TSPAN7: variants seen among roughly 807,000 people sequenced by gnomAD.
The protein encoded by TSPAN7 is tetraspanin 7, also known as tetraspanin-7.
Under a neutral mutation model 17.6 loss-of-function variants are expected in TSPAN7, and 1 was observed. That is an observed-to-expected ratio of 0.06 (90% CI 0.02 to 0.27). The LOEUF (loss-of-function observed/expected upper bound fraction) is 0.27, where lower values mean the gene tolerates loss of function less well. Among genes scored for constraint, TSPAN7 ranks in the 10% least tolerant of loss-of-function variants. The pLI, the probability that TSPAN7 is intolerant of heterozygous loss-of-function variation, is 1.00. For missense variants in TSPAN7, 112 were observed against 201.7 expected (o/e 0.56, Z 2.69); for synonymous variants, 78 against 79.0 (o/e 0.99, Z 0.07).
At chrX:38,609,470 A>G (rs1037072499) in intron 1 of TSPAN7, among the ~76,000 whole-genome samples, 2 of 110,782 alleles carry the variant, frequency 1.8e-5, no homozygotes, top group African/African-American at 6.6e-5. Flanking sequence ...TGTAGTTGAA[A>G]AGCTTGTGCA....
chrX:38,597,110 G>A (rs1446219857), intron 1 of TSPAN7, among the ~76,000 whole-genome samples: 2 of 110,940 alleles, frequency 1.8e-5, no homozygotes, highest in Admixed American at 9.6e-5. Flanking sequence ...ATAATTTGTG[G>A]ATTCTATATT....
chrX:38,588,112 G>T (rs949016552), intron 1 of TSPAN7, among the ~76,000 whole-genome samples: 1 of 110,816 alleles, frequency 9.0e-6, no homozygotes, highest in African/African-American at 3.3e-5. Flanking sequence ...TATCTGCTTG[G>T]CAGGTGTTTT....
At chrX:38,593,017 T>C (rs745703083) in intron 1 of TSPAN7, among the ~76,000 whole-genome samples, 68 of 110,827 alleles carry the variant, frequency 6.1e-4, no homozygotes, top group African/African-American at 2.1e-3. Flanking sequence ...TTTTGAAAGA[T>C]ATTTTTGCTA....
intron 1 of TSPAN7, chrX:38,608,197 T>G (rs2069395656): frequency 9.2e-6 from 1 of 108,591 alleles, no homozygotes; most frequent in African/African-American, 3.5e-5. Flanking sequence ...TGAGATGCCG[T>G]TTAAAGATAA....
chrX:38,576,772 G>A (rs920444970), intron 1 of TSPAN7, among the ~76,000 whole-genome samples: 3 of 111,734 alleles, frequency 2.7e-5, no homozygotes, highest in Non-Finnish European at 3.8e-5. Flanking sequence ...AAGTTTAGCT[G>A]TAATAAAAAG....
At chrX:38,614,402 G>C in intron 1 of TSPAN7, among the ~76,000 whole-genome samples, 1 of 112,243 alleles carries the variant, frequency 8.9e-6, no homozygotes, top group Non-Finnish European at 1.9e-5. Flanking sequence ...CAAGGTCACT[G>C]CTAAAAAGTG....
chrX:38,635,413 T>C (rs2069574790), intron 1 of TSPAN7, among the ~76,000 whole-genome samples: 1 of 111,484 alleles, frequency 9.0e-6, no homozygotes, highest in Non-Finnish European at 1.9e-5. Flanking sequence ...TGTTAGGCTT[T>C]GGCAAGACTT....
At chrX:38,588,664 C>T (rs2069272594) in intron 1 of TSPAN7, among the ~76,000 whole-genome samples, 4 of 111,453 alleles carry the variant, frequency 3.6e-5, no homozygotes. Flanking sequence ...AATGGTTTTT[C>T]AACTTGAGAA....
chrX:38,581,690 G>C (rs1187977630), intron 1 of TSPAN7, among the ~76,000 whole-genome samples: 2 of 112,053 alleles, frequency 1.8e-5, no homozygotes, highest in Admixed American at 1.9e-4. Flanking sequence ...GGGATAGATA[G>C]TCTTTTCACT....
At chrX:38,584,047 G>A (rs1421573669) in intron 1 of TSPAN7, among the ~76,000 whole-genome samples, 2 of 97,696 alleles carry the variant, frequency 2.0e-5, no homozygotes, top group Non-Finnish European at 4.0e-5. Flanking sequence ...TCCACCTCCC[G>A]GATTCATGCC....
chrX:38,663,255 C>G (rs1383060683), intron 1 of TSPAN7, among the ~76,000 whole-genome samples: 1 of 111,373 alleles, frequency 9.0e-6, no homozygotes, highest in Non-Finnish European at 1.9e-5. Context: ...TTGCAGCAAC[C>G]TGGATGGAAT....
At chrX:38,656,075 C>T (rs1316377265) in intron 1 of TSPAN7, 8 of 316,531 alleles carry the variant, frequency 2.5e-5, no homozygotes, top group Non-Finnish European at 4.9e-5. Flanking sequence ...CACTAAGATT[C>T]ATTCTGTATT....
At position 38,674,317 on chromosome X, in the gene TSPAN7, G is replaced by A. The variant is rs111443672; in HGVS notation, c.441+1G>A. 2.5e-6 allele frequency: 3 copies of A among 1,181,713 alleles called. No homozygotes were observed. Among genetic ancestry groups the A allele is most frequent in the Non-Finnish European group, 3.4e-6 (3 of 877,620 alleles). ...GGCAGTGGACCATGTGCAGCGCAGC[G>A]TAAGTTCCAGAGGAGATGAGGGTGT... On this transcript the variant is annotated splice_donor_variant, in intron 4 of 7. Coordinates refer to ENST00000378482, the MANE Select transcript of TSPAN7 (RefSeq NM_004615.4). LOFTEE classifies it high-confidence loss of function.
intron 6 of TSPAN7, among the ~76,000 whole-genome samples, chrX:38,682,417 A>G (rs1046692458): frequency 1.8e-5 from 2 of 112,367 alleles, no homozygotes; most frequent in Non-Finnish European, 3.8e-5. Context: ...CAGCTTAATA[A>G]GTTACCACAA....
intron 1 of TSPAN7, among the ~76,000 whole-genome samples, chrX:38,564,255 G>A (rs2069130285): frequency 9.0e-6 from 1 of 110,751 alleles, no homozygotes. Context: ...GCCCTTTTGT[G>A]ACTGTTTTTT....
chrX:38,626,120 C>G (rs1017885493), intron 1 of TSPAN7, among the ~76,000 whole-genome samples: 4 of 111,760 alleles, frequency 3.6e-5, no homozygotes, highest in African/African-American at 1.3e-4. Context: ...TATAGTGGTA[C>G]TAAAGAAGTG....
intron 1 of TSPAN7, chrX:38,608,345 A>G (rs755163555): frequency 3.3e-4 from 37 of 110,876 alleles, no homozygotes; most frequent in Non-Finnish European, 5.7e-4. Context: ...AGCATGTGCC[A>G]AAGTTAGGGT....
chrX:38,663,826 G>A (rs2069765139), intron 1 of TSPAN7, among the ~76,000 whole-genome samples: 1 of 112,419 alleles, frequency 8.9e-6, no homozygotes, highest in African/African-American at 3.2e-5. Flanking sequence ...TCACAGAAAT[G>A]TAAGTTATCA....
chrX:38,609,233 C>T (rs955840654), intron 1 of TSPAN7, among the ~76,000 whole-genome samples: 2 of 111,672 alleles, frequency 1.8e-5, no homozygotes, highest in Non-Finnish European at 3.8e-5. Flanking sequence ...TGAATGAAAG[C>T]ATTGGCAAGC....
Sources: gnomAD v4.1 joint callset for allele counts (sites outside exome capture counted in the v4.1 genomes callset) on GRCh38, gnomAD v4.1.1 for gene constraint, MANE v1.5 for transcripts, NCBI Gene and HGNC (gene_info 2026-07-23, HGNC 2026-07-21) for gene names.